CNTNAP5: variants seen among roughly 807,000 people sequenced by gnomAD.
CNTNAP5 encodes the protein contactin associated protein family member 5, also known as contactin-associated protein-like 5.
A neutral mutation model predicts 150.2 loss-of-function variants in CNTNAP5; 72 were observed. The ratio of observed to expected loss-of-function variants is 0.48; its 90% CI spans 0.40 to 0.58. The LOEUF is 0.58. Ranked by LOEUF, CNTNAP5 falls within the 20% of genes least tolerant of loss-of-function variation. The pLI, the probability that CNTNAP5 is intolerant of heterozygous loss-of-function variation, is 0.00. For synonymous variants in CNTNAP5, 672 were observed against 619.8 expected (o/e 1.08, Z -1.25); for missense variants, 1,636 against 1,626.2 (o/e 1.01, Z -0.10).
chr2:124,419,991 T>TC (rs56993780), intron 4 of CNTNAP5, among the ~76,000 whole-genome samples: 391 of 123,624 alleles, frequency 3.2e-3, no homozygotes, highest in Non-Finnish European at 4.0e-3. Flanking sequence ...TTTCTTTCTT[T>TC]TTTTTTTTTT....
intron 17 of CNTNAP5, 58 bp from the exon 18 acceptor site, chr2:124,789,844 C>T: frequency 2.0e-6 from 3 of 1,525,086 alleles, no homozygotes; most frequent in Non-Finnish European, 9.0e-7. Context: ...AACATTAAAC[C>T]TAAATGTATT....
At chr2:124,343,377 A>G (rs1447994250) in intron 3 of CNTNAP5, among the ~76,000 whole-genome samples, 6 of 152,180 alleles carry the variant, frequency 3.9e-5, no homozygotes, top group African/African-American at 7.2e-5. Flanking sequence ...ATAATTTAAC[A>G]TATTGGATAA....
intron 6 of CNTNAP5, among the ~76,000 whole-genome samples, chr2:124,462,483 A>T (rs1184638149): frequency 6.6e-6 from 1 of 152,224 alleles, no homozygotes; most frequent in African/African-American, 2.4e-5. Context: ...GAATATTTTA[A>T]TACAAGTATT....
rs376020303 is a variant in CNTNAP5 at position 124,463,225 on chromosome 2, C to T, written c.919-11514C>T. Among the ~76,000 whole-genome samples, 4 of 152,262 alleles carry T rather than the reference C, an allele frequency of 2.6e-5. No individual in the cohort carries two copies. The South Asian group carries it at 6.2e-4, about 24-fold the overall frequency. On this transcript the variant is annotated intron_variant, in intron 6 of 23. Transcript: ENST00000682447. ...GAATACTAAAATGTACATAATTTAC[C>T]TCATTGGCCAAAGAATCTAATGTAA...
chr2:124,139,124 T>C (rs914065251), intron 1 of CNTNAP5, among the ~76,000 whole-genome samples: 4 of 152,098 alleles, frequency 2.6e-5, no homozygotes, highest in Non-Finnish European at 5.9e-5. Context: ...GGAGTTTTTT[T>C]TTCCCCCATA....
At chr2:124,171,013 T>C (rs1171410796) in intron 1 of CNTNAP5, among the ~76,000 whole-genome samples, 2 of 152,202 alleles carry the variant, frequency 1.3e-5, no homozygotes, top group Admixed American at 6.5e-5. Flanking sequence ...CCATCTTCTC[T>C]ACCCTGCCAT....
intron 19 of CNTNAP5, among the ~76,000 whole-genome samples, chr2:124,835,916 A>G (rs1174351934): frequency 6.6e-6 from 1 of 152,122 alleles, no homozygotes; most frequent in Non-Finnish European, 1.5e-5. Context: ...ACATACTGTT[A>G]TCAACAAGAA....
rs375749960 is a variant in CNTNAP5, at chr2:124,741,701, C to T, written c.2078-5528C>T. On this transcript the variant is annotated intron_variant, in intron 13 of 23. Coordinates refer to ENST00000682447, the MANE Select transcript of CNTNAP5 (RefSeq NM_001367498.1). ...TGGTTATTCACTCATTAGCAAAATC[C>T]CTAGACTTGATCTGCTGGAATGATT... Among the ~76,000 whole-genome samples, 82 of 152,118 alleles carry T rather than the reference C, an allele frequency of 5.4e-4. No homozygotes were observed. In the South Asian group the frequency reaches 0.011, roughly 21 times the overall value.
intron 3 of CNTNAP5, among the ~76,000 whole-genome samples, chr2:124,318,843 T>C (rs918199619): frequency 3.2e-4 from 49 of 152,186 alleles, no homozygotes; most frequent in African/African-American, 1.1e-3. Context: ...CCTCTATTTC[T>C]CTCCAGTCCC....
chr2:124,138,710 G>T (rs1381601112), intron 1 of CNTNAP5, among the ~76,000 whole-genome samples: 1 of 152,046 alleles, frequency 6.6e-6, no homozygotes, highest in Non-Finnish European at 1.5e-5. Context: ...TATTTAATTT[G>T]ATTATTGACA....
At chr2:124,029,972 G>A (rs1314402714) in intron 1 of CNTNAP5, among the ~76,000 whole-genome samples, 1 of 152,086 alleles carries the variant, frequency 6.6e-6, no homozygotes, top group Admixed American at 6.6e-5. Context: ...AGGTTGCAGT[G>A]TACATATTTG....
chr2:124,141,043 T>C (rs1314967209), intron 1 of CNTNAP5, among the ~76,000 whole-genome samples: 1 of 33,822 alleles, frequency 3.0e-5, no homozygotes, highest in East Asian at 7.0e-4. Context: ...GTATCAGCAA[T>C]GGAAGATGAA....
chr2:124,571,053 T>C (rs1358143209), intron 11 of CNTNAP5, among the ~76,000 whole-genome samples: 1 of 152,222 alleles, frequency 6.6e-6, no homozygotes, highest in Non-Finnish European at 1.5e-5. Context: ...GAGGACTGAG[T>C]AAAACAATCT....
intron 17 of CNTNAP5, among the ~76,000 whole-genome samples, chr2:124,773,560 G>T (rs371082980): frequency 6.6e-6 from 1 of 152,170 alleles, no homozygotes; most frequent in African/African-American, 2.4e-5. Context: ...GGATCAACCT[G>T]CCACAGGCTG....
intron 4 of CNTNAP5, among the ~76,000 whole-genome samples, chr2:124,420,816 T>C (rs995750492): frequency 1.3e-5 from 2 of 152,152 alleles, no homozygotes; most frequent in Non-Finnish European, 2.9e-5. Flanking sequence ...GACCCACAAT[T>C]GTATAAGCCA....
At chr2:124,911,587 A>G in intron 23 of CNTNAP5, 49 bp downstream of exon 23, 2 of 1,419,518 alleles carry the variant, frequency 1.4e-6, no homozygotes, top group Non-Finnish European at 9.8e-7. Context: ...ACGATCCTGT[A>G]TTCTGGAGAA....
At chr2:124,829,079 G>A (rs1210997468) in intron 19 of CNTNAP5, among the ~76,000 whole-genome samples, 2 of 152,064 alleles carry the variant, frequency 1.3e-5, no homozygotes, top group Non-Finnish European at 2.9e-5. Context: ...AAAAGGCAAG[G>A]GCTAGGGTCA....
intron 1 of CNTNAP5, among the ~76,000 whole-genome samples, chr2:124,120,222 T>G (rs1683529549): frequency 6.6e-6 from 1 of 152,142 alleles, no homozygotes; most frequent in Non-Finnish European, 1.5e-5. Flanking sequence ...AAGCACAAAG[T>G]AGATGCTCCC....
intron 13 of CNTNAP5, among the ~76,000 whole-genome samples, chr2:124,666,694 T>G (rs1197167645): frequency 6.6e-6 from 1 of 152,156 alleles, no homozygotes; most frequent in East Asian, 1.9e-4. Context: ...TATGCACTGT[T>G]GACATATTTT....
Sources: allele counts gnomAD v4.1 joint callset (sites outside exome capture counted in the v4.1 genomes callset), GRCh38; gene constraint gnomAD v4.1.1; transcripts MANE v1.5; gene names NCBI Gene and HGNC (gene_info 2026-07-23, HGNC 2026-07-21).